Variants in CHMP4A observed in about 807,000 individuals in gnomAD.
The protein encoded by CHMP4A is charged multivesicular body protein 4A.
In CHMP4A, 29 loss-of-function variants were observed where a neutral mutation model predicts 28.2. That is an observed-to-expected ratio of 1.03 (90% CI 0.77 to 1.40). The LOEUF is 1.40. Ranked by LOEUF, CHMP4A falls within the 40% of genes most tolerant of loss-of-function variation. CHMP4A has a pLI of 0.00. For missense variants in CHMP4A, 241 were observed against 263.5 expected (o/e 0.91, Z 0.59); for synonymous variants, 88 against 99.3 (o/e 0.89, Z 0.67).
chr14:24,211,762 C>G lies in CHMP4A; in HGVS notation c.99G>C (p.Leu33=). 1 of 1,614,188 alleles carries G rather than the reference C, an allele frequency of 6.2e-7. No individual in the cohort carries two copies. The highest frequency in any genetic ancestry group is 8.5e-7 in the Non-Finnish European group (1 of 1,180,032). The change falls in exon 2 of 6, where the codon CTG becomes CTC. Residue 33 remains leucine (L), a synonymous_variant. Coordinates refer to ENST00000347519, the MANE Select transcript of CHMP4A (RefSeq NM_014169.5). ...IQKLKETEKI[L]IKKQEFLEQK... ...GCTCCAAAAATTCCTGTTTCTTGAT[C>G]AGTATCTTCTCTGTCTCCTTCAGTT...
rs200162662 is a variant in CHMP4A, at chr14:24,211,603, C to T, written c.182-11G>A. ...AAGCCTGTAGGGCAGCTGACCCAGCCCATACCCTGAACATCAAGAGTCAGA... is the reference window on the plus strand; with the variant it reads ...AAGCCTGTAGGGCAGCTGACCCAGCTCATACCCTGAACATCAAGAGTCAGA... On this transcript the variant is annotated splice_polypyrimidine_tract_variant and intron_variant, in intron 2 of 5. Coordinates refer to ENST00000347519, the MANE Select transcript of CHMP4A (RefSeq NM_014169.5). 1.7e-5 allele frequency: 28 copies of T among 1,611,288 alleles called. No individual in the cohort carries two copies. The highest frequency in any genetic ancestry group is 3.3e-4 in the Middle Eastern group (2 of 6,048).
intron 3 of CHMP4A, 27 bp downstream of exon 3, chr14:24,211,388 C>A: frequency 6.3e-7 from 1 of 1,575,520 alleles, no homozygotes. Context: ...GTGCCTGGGT[C>A]CCCTCCACCC....
chr14:24,211,994 C>A, intron 1 of CHMP4A, 165 bp from the exon 2 acceptor site: 1 of 572,160 alleles, frequency 1.7e-6, no homozygotes, highest in South Asian at 3.1e-5. Context: ...AAAACAACCA[C>A]AAAGATGTTA....
rs754056488 is a variant in CHMP4A at position 24,210,476 on chromosome 14, A to C, written c.482T>G (p.Leu161Arg). The C allele has an allele frequency of 1.2e-6, 2 of 1,613,980 alleles. No individual in the cohort carries two copies. The highest frequency in any genetic ancestry group is 1.7e-6 in the Non-Finnish European group (2 of 1,179,972). Residue 161 changes from leucine (L) to arginine (R), a missense_variant, in exon 5 of 6, where the codon CTG becomes CGG. Physicochemically the swap from Leu to Arg is moderately radical, Grantham distance 102. Transcript: ENST00000347519. Reference sequence around the variant, plus strand: ...CTCCAGCTCCTCTAGCTCCTCCAGCAGTTCATCCTGGATAGGGAAGACAAG... The same window carrying C: ...CTCCAGCTCCTCTAGCTCCTCCAGCCGTTCATCCTGGATAGGGAAGACAAG... ...GFGDDVDEDE[L>R]LEELEELEQE...
chr14:24,211,775 G>C lies in CHMP4A; in HGVS notation c.86C>G (p.Thr29Arg), dbSNP rs774307454. 5 of 1,614,038 alleles carry C rather than the reference G, an allele frequency of 3.1e-6. No homozygotes were observed. In the South Asian group the frequency reaches 5.5e-5, roughly 18 times the overall value. ...CTGTTTCTTGATCAGTATCTTCTCTGTCTCCTTCAGTTTCTGTATTGCTTC... is the reference window on the plus strand; with the variant it reads ...CTGTTTCTTGATCAGTATCTTCTCTCTCTCCTTCAGTTTCTGTATTGCTTC... ...PEEAIQKLKE[T>R]EKILIKKQEF... The change falls in exon 2 of 6, where the codon ACA becomes AGA. Residue 29 changes from threonine (T) to arginine (R), a missense_variant. Transcript: ENST00000347519.
chr14:24,210,675 G>A lies in CHMP4A; in HGVS notation c.453C>T (p.Gly151=). 6.2e-7 allele frequency: 1 copy of A among 1,613,620 alleles called. No individual in the cohort carries two copies. Among genetic ancestry groups the A allele is most frequent in the Non-Finnish European group, 8.5e-7 (1 of 1,179,652 alleles). Residue 151 remains glycine, a synonymous_variant, in exon 4 of 6, where the codon GGC becomes GGT. Coordinates refer to ENST00000347519, the MANE Select transcript of CHMP4A (RefSeq NM_014169.5). ...TCACCTCATCCACATCATCTCCAAA[G>A]CCCATAGGCCGAGAAATGGCATCTG... ...QISDAISRPM[G]FGDDVDEDEL...
chr14:24,211,608 C>T lies in CHMP4A; in HGVS notation c.182-16G>A, dbSNP rs769620913. 1.6e-5 allele frequency: 25 copies of T among 1,610,832 alleles called. No homozygotes were observed. Among genetic ancestry groups the T allele is most frequent in the Non-Finnish European group, 2.0e-5 (24 of 1,177,244 alleles). ...TGTAGGGCAGCTGACCCAGCCCATACCCTGAACATCAAGAGTCAGAAGCAC... is the reference window on the plus strand; with the variant it reads ...TGTAGGGCAGCTGACCCAGCCCATATCCTGAACATCAAGAGTCAGAAGCAC... On this transcript the variant is annotated splice_polypyrimidine_tract_variant and intron_variant, in intron 2 of 5. Transcript: ENST00000347519.
At chr14:24,213,331 C>T (rs1402073250) in intron 1 of CHMP4A, 78 bp downstream of exon 1, 30 of 1,433,478 alleles carry the variant, frequency 2.1e-5, no homozygotes, top group Non-Finnish European at 2.6e-5. Context: ...CGCAGCGGTC[C>T]GGCCGAATCT....
rs2039593392 is a variant in CHMP4A at position 24,211,795 on chromosome 14, T to G, written c.66A>C (p.Ala22=). The G allele has an allele frequency of 6.2e-7, 1 of 1,614,184 alleles. No individual in the cohort carries two copies. The highest frequency in any genetic ancestry group is 8.5e-7 in the Non-Finnish European group (1 of 1,180,036). The change falls in exon 2 of 6, where the codon GCA becomes GCC. Residue 22 remains alanine, a synonymous_variant. Coordinates refer to ENST00000347519, the MANE Select transcript of CHMP4A (RefSeq NM_014169.5). ...KKEKGPTPEE[A]IQKLKETEKI... ...TCTCTGTCTCCTTCAGTTTCTGTAT[T>G]GCTTCTTCAGGGGTTGGCCCTTTCT...
At position 24,211,474 on chromosome 14, in the gene CHMP4A, T is replaced by G. The variant is rs2039590029; in HGVS notation, c.300A>C (p.Ala100=). The G allele has an allele frequency of 2.5e-6, 4 of 1,614,070 alleles. No homozygotes were observed. Among genetic ancestry groups the G allele is most frequent in the Non-Finnish European group, 3.4e-6 (4 of 1,179,914 alleles). Residue 100 remains alanine, a synonymous_variant, in exon 3 of 6, where the codon GCA becomes GCC. Transcript: ENST00000347519. ...CAAGCTCCATGGTACGAAGGACTTC[T>G]GCATTGGTAGTGGCATTCTCAATGG... ...REAIENATTN[A]EVLRTMELAA...
At position 24,210,733 on chromosome 14, in the gene CHMP4A, A is replaced by G. The variant is rs769256837; in HGVS notation, c.395T>C (p.Ile132Thr). 1 of 1,614,144 alleles carries G rather than the reference A, an allele frequency of 6.2e-7. No individual in the cohort carries two copies. Among genetic ancestry groups the G allele is most frequent in the Non-Finnish European group, 8.5e-7 (1 of 1,180,012 alleles). ...IDKVDELMTDITEQQEVAQQI... is the reference protein window; with the variant it reads ...IDKVDELMTDTTEQQEVAQQI... ...CTGGGCCACCTCCTGTTGTTCCGTG[A>G]TGTCAGTCATCAGTTCATCTACCTT... Residue 132 changes from isoleucine (I) to threonine (T), a missense_variant, in exon 4 of 6, where the codon ATC becomes ACC. Physicochemically the swap from Ile to Thr is moderately conservative, Grantham distance 89. Transcript: ENST00000347519.
chr14:24,212,181 C>CCTCCTGGGTTCAAGCAATT (rs1295063332), intron 1 of CHMP4A: 1 of 183,422 alleles, frequency 5.5e-6, no homozygotes, highest in Non-Finnish European at 1.1e-5. Flanking sequence ...TCAACCTCCG[C>CCTCCTGGGTTCAAGCAATT]CTCCTGGGTT....
At chr14:24,210,828 T>C in intron 3 of CHMP4A, 60 bp from the exon 4 acceptor site, 2 of 1,260,426 alleles carry the variant, frequency 1.6e-6, no homozygotes, top group Admixed American at 1.7e-5. Flanking sequence ...CTTTCTCATC[T>C]CACATGAATG....
In CHMP4A at chr14:24,211,395, A is replaced by AC; in HGVS notation, c.359+19dup. On this transcript the variant is annotated intron_variant, in intron 3 of 5. Transcript: ENST00000347519. ...TCTTCCCAGTGCCTGGGTCCCCTCC[A>AC]CCCCTCCCCCCGTACCCACATGTCC... is the stretch of plus-strand genomic sequence containing the variant. 1 of 1,581,598 alleles carries AC rather than the reference A, an allele frequency of 6.3e-7. No individual in the cohort carries two copies. The highest frequency in any genetic ancestry group is 1.1e-5 in the South Asian group (1 of 89,536).
At position 24,210,425 on chromosome 14, in the gene CHMP4A, A is replaced by G; in HGVS notation, c.533T>C (p.Leu178Ser). 1.2e-6 allele frequency: 2 copies of G among 1,614,098 alleles called. No individual in the cohort carries two copies. The highest frequency in any genetic ancestry group is 1.7e-6 in the Non-Finnish European group (2 of 1,179,994). Residue 178 changes from leucine (L) to serine (S), a missense_variant, in exon 5 of 6, where the codon TTA becomes TCA. By Grantham distance (145) the Leu-to-Ser change is moderately radical. Transcript: ENST00000347519. ...TTCTTCTTCCTTGTCGCCCACATTT[A>G]ACAACTCCTGGGCCAATTCCTCCTG... is the stretch of plus-strand genomic sequence containing the variant. ...LEQEELAQEL[L>S]NVGDKEEEPS...
rs532377444 is a variant in CHMP4A at position 24,209,692 on chromosome 14, G to A, written c.*185C>T. 1.2e-4 allele frequency: 75 copies of A among 634,644 alleles called. No individual in the cohort carries two copies. In the African/African-American group the frequency reaches 1.3e-3, roughly 11 times the overall value. 39.3% of individuals were successfully genotyped at this position (634,644 alleles called of 1,614,324 possible). A position where few individuals can be genotyped will look rare whatever the true frequency, so the allele number is the denominator to read the frequency against. On this transcript the variant is annotated 3_prime_UTR_variant, in exon 6 of 6. Transcript: ENST00000347519. ...AGAAGGGAGCCCAAGGGCTCCTTCT[G>A]TAGCAAGATCCTTCTTCAGAGTTGA...
At chr14:24,211,911 G>A in intron 1 of CHMP4A, 82 bp from the exon 2 acceptor site, 1 of 1,267,184 alleles carries the variant, frequency 7.9e-7, no homozygotes, top group Non-Finnish European at 1.1e-6. Flanking sequence ...GTATGTGCTA[G>A]AGACCTGACT....
chr14:24,212,916 G>C lies in CHMP4A; in HGVS notation c.31+493C>G, dbSNP rs184050906. 8.7e-4 allele frequency: 140 copies of C among 160,034 alleles called. 1 individual carries two copies. Among genetic ancestry groups the C allele is most frequent in the Admixed American group, 2.9e-3 (44 of 15,346 alleles). The allele number at this position is 160,034 out of a possible 1,614,324, so 9.9% of individuals were successfully genotyped here. On this transcript the variant is annotated intron_variant, in intron 1 of 5. Coordinates refer to ENST00000347519, the MANE Select transcript of CHMP4A (RefSeq NM_014169.5). ...GGGGTTTCACCATATTGGCCAGGCT[G>C]ATCTCAAACTCCTGACCTCATGATC...
chr14:24,210,324 A>T, intron 5 of CHMP4A, 24 bp downstream of exon 5: 1 of 1,611,424 alleles, frequency 6.2e-7, no homozygotes, highest in East Asian at 2.2e-5. Flanking sequence ...TAAGTCCTCA[A>T]GACAACAGAA....
Sources: gnomAD v4.1 joint callset for allele counts on GRCh38, gnomAD v4.1.1 for gene constraint, MANE v1.5 for transcripts, NCBI Gene and HGNC (gene_info 2026-07-23, HGNC 2026-07-21) for gene names.